The following CDYL2 variants were observed in gnomAD, a reference collection of about 807,000 sequenced individuals.
CDYL2 encodes chromodomain Y like 2.
CDYL2 carries 23 observed loss-of-function variants against 49.4 expected under a neutral mutation model. The observed-to-expected ratio is 0.47, with a 90% CI of 0.34 to 0.66. CDYL2 has a LOEUF of 0.66. Among genes scored for constraint, CDYL2 ranks in the 30% least tolerant of loss-of-function variants. The probability of loss-of-function intolerance (pLI) is 0.01; values close to 1 mark genes in which losing one functional copy is unlikely to be tolerated. For missense variants in CDYL2, 678 were observed against 656.4 expected (o/e 1.03, Z -0.36); for synonymous variants, 360 against 268.8 (o/e 1.34, Z -3.32).
At chr16:80,737,872 T>C (rs2039958912) in intron 1 of CDYL2, among the ~76,000 whole-genome samples, 1 of 152,160 alleles carries the variant, frequency 6.6e-6, no homozygotes, top group African/African-American at 2.4e-5. Flanking sequence ...GTTGTTGTTG[T>C]TGTTGTTGTT....
At chr16:80,783,885 T>C (rs1907349270) in intron 1 of CDYL2, among the ~76,000 whole-genome samples, 1 of 152,130 alleles carries the variant, frequency 6.6e-6, no homozygotes, top group Admixed American at 6.5e-5. Flanking sequence ...GATGAATGAG[T>C]GCCCGGGGCT....
chr16:80,798,812 T>TATGC (rs1555539486), intron 1 of CDYL2, among the ~76,000 whole-genome samples: 1 of 37,162 alleles, frequency 2.7e-5, no homozygotes, highest in Non-Finnish European at 5.5e-5. Flanking sequence ...ACTAGTAAGA[T>TATGC]ATGCAAATAC....
At chr16:80,699,868 ATTTT>A (rs66786988) in intron 1 of CDYL2, among the ~76,000 whole-genome samples, 1 of 144,334 alleles carries the variant, frequency 6.9e-6, no homozygotes. Flanking sequence ...GACCAAAACA[ATTTT>A]TTTTTTTTTT....
chr16:80,753,676 C>A (rs895575841), intron 1 of CDYL2, among the ~76,000 whole-genome samples: 1 of 152,144 alleles, frequency 6.6e-6, no homozygotes, highest in African/African-American at 2.4e-5. Context: ...AACAATAAAT[C>A]TTCCAGAAGG....
chr16:80,672,540 G>GA (rs769097548), intron 2 of CDYL2, among the ~76,000 whole-genome samples: 1 of 67,016 alleles, frequency 1.5e-5, no homozygotes, highest in East Asian at 4.3e-4. Context: ...AAAGGAAAAG[G>GA]AAAGGAAAGG....
chr16:80,638,849 C>T (rs1304207564), intron 2 of CDYL2, among the ~76,000 whole-genome samples: 1 of 152,028 alleles, frequency 6.6e-6, no homozygotes, highest in Non-Finnish European at 1.5e-5. Flanking sequence ...GAATCATAGA[C>T]CTAAATGTAA....
intron 2 of CDYL2, among the ~76,000 whole-genome samples, chr16:80,676,961 G>GTCTTTTTTTTTTTTT (rs1407459686): frequency 9.0e-6 from 1 of 110,518 alleles, no homozygotes; most frequent in Non-Finnish European, 1.9e-5. Context: ...CCAATTCAAT[G>GTCTTTTTTTTTTTTT]TATTTTTTTT....
intron 2 of CDYL2, among the ~76,000 whole-genome samples, chr16:80,658,819 C>A (rs1908917408): frequency 6.6e-6 from 1 of 152,108 alleles, no homozygotes; most frequent in South Asian, 2.1e-4. Context: ...ATGGCTGCTT[C>A]CAGGGCTTGG....
At chr16:80,638,470 T>C (rs1010136152) in intron 2 of CDYL2, among the ~76,000 whole-genome samples, 2 of 152,214 alleles carry the variant, frequency 1.3e-5, no homozygotes, top group Non-Finnish European at 2.9e-5. Context: ...TTTGTAGATA[T>C]TGGCAAACTG....
chr16:80,777,471 C>A (rs917670859), intron 1 of CDYL2, among the ~76,000 whole-genome samples: 2 of 151,994 alleles, frequency 1.3e-5, no homozygotes, highest in African/African-American at 4.8e-5. Flanking sequence ...AGACAAGCTT[C>A]TGGCAACACA....
intron 1 of CDYL2, among the ~76,000 whole-genome samples, chr16:80,769,721 T>G (rs1045213076): frequency 6.6e-6 from 1 of 152,112 alleles, no homozygotes; most frequent in East Asian, 1.9e-4. Context: ...ACTGGGCAAA[T>G]AGCATGCCTT....
chr16:80,601,667 C>T lies in CDYL2; in HGVS notation c.*2721G>A, dbSNP rs997592494. ...GTAAGTTACCTGGAATTCGCCTACACATGATCAAAACAACTACCCAGAAAG... is the reference window on the plus strand; with the variant it reads ...GTAAGTTACCTGGAATTCGCCTACATATGATCAAAACAACTACCCAGAAAG... On this transcript the variant is annotated 3_prime_UTR_variant, in exon 7 of 7. Coordinates refer to ENST00000570137, the MANE Select transcript of CDYL2 (RefSeq NM_152342.4). 1 of 152,190 alleles carries T rather than the reference C, an allele frequency of 6.6e-6. No homozygotes were observed. The highest frequency in any genetic ancestry group is 1.5e-5 in the Non-Finnish European group (1 of 68,036). The allele number at this position is 152,190 out of a possible 1,614,324, so 9.4% of individuals were successfully genotyped here.
chr16:80,800,843 T>C (rs1371886212), intron 1 of CDYL2, among the ~76,000 whole-genome samples: 1 of 152,200 alleles, frequency 6.6e-6, no homozygotes, highest in Non-Finnish European at 1.5e-5. Flanking sequence ...CCTATCCCAC[T>C]GATTATTTCT....
chr16:80,621,059 C>T, intron 3 of CDYL2, 124 bp from the exon 4 acceptor site: 1 of 1,113,748 alleles, frequency 9.0e-7, no homozygotes, highest in South Asian at 1.8e-5. Flanking sequence ...CTGCTTCTGC[C>T]TGTGCAGGGA....
At chr16:80,622,034 A>G (rs1176616062) in intron 3 of CDYL2, among the ~76,000 whole-genome samples, 1 of 152,206 alleles carries the variant, frequency 6.6e-6, no homozygotes, top group Non-Finnish European at 1.5e-5. Context: ...GAGGGGTCGT[A>G]ACACTAGTCC....
At chr16:80,620,549 G>T (rs1907032363) in intron 4 of CDYL2, among the ~76,000 whole-genome samples, 1 of 152,234 alleles carries the variant, frequency 6.6e-6, no homozygotes, top group South Asian at 2.1e-4. Context: ...CATGGTTAGA[G>T]ATGAAAATAT....
At chr16:80,789,208 G>C (rs10445095) in intron 1 of CDYL2, among the ~76,000 whole-genome samples, 15,968 of 152,154 alleles carry the variant, frequency 0.1, 952 homozygotes, top group Non-Finnish European at 0.12. Flanking sequence ...ATGGAAAACA[G>C]TATAGAGGTA....
At chr16:80,792,199 G>C (rs778510781) in intron 1 of CDYL2, among the ~76,000 whole-genome samples, 3 of 152,154 alleles carry the variant, frequency 2.0e-5, no homozygotes, top group Non-Finnish European at 4.4e-5. Context: ...CAGAGCTCAG[G>C]AGAAAAATCC....
intron 2 of CDYL2, among the ~76,000 whole-genome samples, chr16:80,650,865 C>A (rs1159800569): frequency 6.6e-6 from 1 of 150,680 alleles, no homozygotes; most frequent in Non-Finnish European, 1.5e-5. Context: ...AGAAGCCAGG[C>A]ACAAAAAGAC....
Sources: allele counts gnomAD v4.1 joint callset (sites outside exome capture counted in the v4.1 genomes callset), GRCh38; gene constraint gnomAD v4.1.1; transcripts MANE v1.5; gene names NCBI Gene and HGNC (gene_info 2026-07-23, HGNC 2026-07-21).